Variants in SYN2 observed in about 807,000 individuals in gnomAD.
The protein encoded by SYN2 is synapsin II, also known as synapsin-2.
A neutral mutation model predicts 50.9 loss-of-function variants in SYN2; 19 were observed. The ratio of observed to expected loss-of-function variants is 0.37; its 90% confidence interval spans 0.26 to 0.55. The LOEUF is 0.55. Ranked by LOEUF, SYN2 falls within the 20% of genes least tolerant of loss-of-function variation. The pLI, the probability that SYN2 is intolerant of heterozygous loss-of-function variation, is 0.81. For synonymous variants in SYN2, 255 were observed against 224.9 expected (o/e 1.13, Z -1.20); for missense variants, 587 against 576.4 (o/e 1.02, Z -0.19).
At chr3:12,169,139 G>A (rs1172756557) in intron 9 of SYN2, among the ~76,000 whole-genome samples, 2 of 152,130 alleles carry the variant, frequency 1.3e-5, no homozygotes, top group African/African-American at 2.4e-5. Flanking sequence ...ACCTCTCCTC[G>A]CTAGGTGGGC....
At chr3:12,167,671 A>C (rs1002218363) in intron 8 of SYN2, among the ~76,000 whole-genome samples, 11 of 151,768 alleles carry the variant, frequency 7.2e-5, no homozygotes, top group Admixed American at 2.6e-4. Context: ...CTAATCAAGG[A>C]GTGAGGTGTT....
chr3:12,052,735 C>A (rs1012561612), intron 1 of SYN2, among the ~76,000 whole-genome samples: 2 of 152,116 alleles, frequency 1.3e-5, no homozygotes, highest in Admixed American at 6.5e-5. Flanking sequence ...TAGGAGCCAG[C>A]CTTGGTCATG....
chr3:12,161,498 A>C, intron 5 of SYN2, 48 bp from the exon 6 acceptor site: 3 of 1,604,640 alleles, frequency 1.9e-6, no homozygotes, highest in Non-Finnish European at 2.6e-6. Flanking sequence ...GATTCCACGG[A>C]GAGATGGGCA....
intron 1 of SYN2, among the ~76,000 whole-genome samples, chr3:12,089,037 C>CA (rs1271248760): frequency 1.3e-5 from 2 of 152,056 alleles, no homozygotes; most frequent in South Asian, 4.1e-4. Context: ...GTTTTCACCA[C>CA]AAAAAACAAT....
chr3:12,050,340 A>ATTTT (rs397877649), intron 1 of SYN2, among the ~76,000 whole-genome samples: 3 of 113,336 alleles, frequency 2.6e-5, no homozygotes, highest in African/African-American at 5.7e-5. Flanking sequence ...GTTTGGAATG[A>ATTTT]TTTTTTTTTT....
intron 1 of SYN2, among the ~76,000 whole-genome samples, chr3:12,076,006 A>G (rs1481712939): frequency 6.6e-6 from 1 of 152,170 alleles, no homozygotes; most frequent in Non-Finnish European, 1.5e-5. Flanking sequence ...GGTATATACT[A>G]TTATTATCAC....
At chr3:12,170,118 A>G (rs1207233730) in intron 10 of SYN2, among the ~76,000 whole-genome samples, 2 of 152,182 alleles carry the variant, frequency 1.3e-5, no homozygotes, top group Non-Finnish European at 2.9e-5. Context: ...GCAATCTGCA[A>G]TATCAATTAT....
Position 12,004,480 on chromosome 3 carries a change from G to A in SYN2, c.-72G>A. On this transcript the variant is annotated 5_prime_UTR_variant, in exon 1 of 13. Transcript: ENST00000621198. ...CAGCCGCCTCAGTCGCCTCAATCTC[G>A]CCTTCCGCCCTCGCTCTCCCTCCGC... 2 of 397,064 alleles carry A rather than the reference G, an allele frequency of 5.0e-6. No homozygotes were observed. Among genetic ancestry groups the A allele is most frequent in the South Asian group, 3.0e-5 (1 of 32,952 alleles). The allele number at this position is 397,064 out of a possible 1,614,324, so 24.6% of individuals were successfully genotyped here. A position where few individuals can be genotyped will look rare whatever the true frequency, so the allele number is the denominator to read the frequency against.
Position 12,085,326 on chromosome 3 carries a change from C to CAT in SYN2, c.378-55314_378-55313dup, listed in dbSNP as rs143794445. On this transcript the variant is annotated intron_variant, in intron 1 of 12. Coordinates refer to ENST00000621198, the MANE Select transcript of SYN2 (RefSeq NM_133625.6). ...CAACTCATCAAGAAGACATAATAAT[C>CAT]ATATATATATATGATTGTTATGGAA... Among the ~76,000 whole-genome samples, 1,272 of 147,644 alleles carry CAT rather than the reference C, an allele frequency of 8.6e-3. 11 individuals carry two copies. Among genetic ancestry groups the CAT allele is most frequent in the African/African-American group, 0.011 (430 of 39,772 alleles).
chr3:12,051,692 C>G (rs189397028), intron 1 of SYN2, among the ~76,000 whole-genome samples: 60 of 152,284 alleles, frequency 3.9e-4, no homozygotes, highest in Admixed American at 3.9e-3. Flanking sequence ...TCTGGATCAG[C>G]CCACTTGGAA....
intron 1 of SYN2, among the ~76,000 whole-genome samples, chr3:12,057,289 G>GTC (rs200988080): frequency 0.21 from 27,146 of 131,128 alleles, 2,820 homozygotes; most frequent in Admixed American, 0.31. Flanking sequence ...AAGACTGTCT[G>GTC]TGTGTGTGTG....
intron 5 of SYN2, among the ~76,000 whole-genome samples, chr3:12,159,622 G>T (rs145611708): frequency 8.7e-4 from 132 of 152,248 alleles, no homozygotes; most frequent in South Asian, 2.5e-3. Flanking sequence ...AACACAAAGT[G>T]TCCCATCACT....
intron 1 of SYN2, among the ~76,000 whole-genome samples, chr3:12,009,354 A>G (rs1369775539): frequency 3.3e-5 from 5 of 151,938 alleles, no homozygotes; most frequent in East Asian, 1.9e-4. Flanking sequence ...TCCCAACTCT[A>G]CCACAGTATC....
At chr3:12,175,072 G>A (rs1164189578) in intron 10 of SYN2, among the ~76,000 whole-genome samples, 1 of 152,140 alleles carries the variant, frequency 6.6e-6, no homozygotes, top group Non-Finnish European at 1.5e-5. Context: ...GTTTGCCCAG[G>A]TGCAATCAGT....
chr3:12,080,720 T>G (rs1695569406), intron 1 of SYN2, among the ~76,000 whole-genome samples: 1 of 152,154 alleles, frequency 6.6e-6, no homozygotes, highest in South Asian at 2.1e-4. Context: ...GGTTTACTTC[T>G]AATTATGTGA....
At position 12,162,167 on chromosome 3, in the gene SYN2, G is replaced by T. The variant is rs764901555; in HGVS notation, c.980+13G>T. 7 of 1,613,626 alleles carry T rather than the reference G, an allele frequency of 4.3e-6. No homozygotes were observed. In the South Asian group the frequency reaches 4.4e-5, roughly 10 times the overall value. On this transcript the variant is annotated intron_variant, in intron 7 of 12. Coordinates refer to ENST00000621198, the MANE Select transcript of SYN2 (RefSeq NM_133625.6). ...ACAAGGCTTACATGTGAGTAAGAGT[G>T]GGGTATGTTTTCTCCTCAGTGATGA...
intron 10 of SYN2, among the ~76,000 whole-genome samples, chr3:12,173,999 T>A (rs757968187): frequency 1.3e-5 from 2 of 152,186 alleles, no homozygotes; most frequent in Non-Finnish European, 2.9e-5. Context: ...CACAGCTGAC[T>A]ACTCCCTCCT....
intron 1 of SYN2, chr3:12,071,394 T>C: frequency 1.8e-6 from 1 of 549,192 alleles, no homozygotes; most frequent in Non-Finnish European, 3.7e-6. Flanking sequence ...TAGCATTTGC[T>C]GCATGGGTTA....
intron 1 of SYN2, among the ~76,000 whole-genome samples, chr3:12,082,948 T>A (rs1455353900): frequency 6.6e-6 from 1 of 152,150 alleles, no homozygotes; most frequent in Non-Finnish European, 1.5e-5. Flanking sequence ...TTTCTTTGAT[T>A]TTTAAAAAGT....
Sources: allele counts gnomAD v4.1 joint callset (sites outside exome capture counted in the v4.1 genomes callset), GRCh38; gene constraint gnomAD v4.1.1; transcripts MANE v1.5; gene names NCBI Gene and HGNC (gene_info 2026-07-23, HGNC 2026-07-21).